PRKDC: variants seen among roughly 807,000 people sequenced by gnomAD.
The protein encoded by PRKDC is DNA-dependent protein kinase catalytic subunit.
In PRKDC, 82 loss-of-function variants were observed where a neutral mutation model predicts 486.9. The ratio of observed to expected loss-of-function variants is 0.17; its 90% CI spans 0.14 to 0.20. PRKDC has a LOEUF of 0.20. PRKDC is among the 10% of genes least tolerant of loss of function. The pLI is 1.00. For synonymous variants in PRKDC, 1,895 were observed against 1,837.0 expected (o/e 1.03, Z -0.81); for missense variants, 4,504 against 5,038.2 (o/e 0.89, Z 3.21).
chr8:47,807,133 C>G lies in PRKDC; in HGVS notation c.9747+4G>C. ...CAGCAGGGAGGACAGACACGAGTAC[C>G]CACCTGCTTCCGGGCACTGTCTATC... On this transcript the variant is annotated splice_donor_region_variant and intron_variant, in intron 69 of 85. Transcript: ENST00000314191. The G allele has an allele frequency of 1.2e-6, 2 of 1,612,684 alleles. No homozygotes were observed. The highest frequency in any genetic ancestry group is 1.7e-6 in the Non-Finnish European group (2 of 1,179,144).
intron 22 of PRKDC, among the ~76,000 whole-genome samples, chr8:47,916,072 T>C (rs565047228): frequency 6.6e-6 from 1 of 152,190 alleles, no homozygotes; most frequent in Admixed American, 6.5e-5. Flanking sequence ...GTTCACTGGA[T>C]TGTGCAGATA....
rs989625761 is a variant in PRKDC, at chr8:47,960,050, C to G, written c.77G>C (p.Gly26Ala). 1.3e-6 allele frequency: 2 copies of G among 1,532,544 alleles called. No homozygotes were observed. Among genetic ancestry groups the G allele is most frequent in the Admixed American group, 3.9e-5 (2 of 50,956 alleles). 94.9% of individuals were successfully genotyped at this position (1,532,544 alleles called of 1,614,324 possible). Reference sequence around the variant, plus strand: ...CAGTTGATGACCGGCCAGGGCAGCACCGCAGCGGTCCGCAGCGGACAAGGT... The same window carrying G: ...CAGTTGATGACCGGCCAGGGCAGCAGCGCAGCGGTCCGCAGCGGACAAGGT... The part of the protein sequence containing the change: ...QETLSAADRC[G>A]AALAGHQLIR... The change falls in exon 1 of 86, where the codon GGT (glycine) becomes GCT (alanine). Residue 26 changes from glycine to alanine, a missense_variant. Gly to Ala is a moderately conservative substitution (Grantham distance 60, BLOSUM62 0). Around this residue, in one of 6 missense-constraint regions of PRKDC, gnomAD observed 145 missense variants for 136.3 expected, o/e 1.06. Transcript: ENST00000314191.
chr8:47,783,183 A>G (rs2086725764), intron 78 of PRKDC, among the ~76,000 whole-genome samples: 1 of 150,576 alleles, frequency 6.6e-6, no homozygotes, highest in African/African-American at 2.4e-5. Context: ...AGGCTGAGAC[A>G]TGGAGAATCG....
In PRKDC at chr8:47,900,392, A is replaced by G; in HGVS notation, c.3345T>C (p.His1115=). The change falls in exon 28 of 86, where the codon CAT becomes CAC. Residue 1115 remains histidine, a synonymous_variant. Coordinates refer to ENST00000314191, the MANE Select transcript of PRKDC (RefSeq NM_006904.7). ...ACGTACCTAAGGACTTCTCATCTGC[A>G]TGTGCTAAGGCCAGACTCTCCATGT... is the stretch of plus-strand genomic sequence containing the variant. ...VIYMESLALA[H]ADEKSLGTIQ... The G allele has an allele frequency of 6.2e-7, 1 of 1,610,026 alleles. No homozygotes were observed. The highest frequency in any genetic ancestry group is 2.2e-5 in the East Asian group (1 of 44,828).
chr8:47,916,618 T>C (rs1231605454), intron 22 of PRKDC, among the ~76,000 whole-genome samples: 2 of 152,188 alleles, frequency 1.3e-5, no homozygotes, highest in Admixed American at 6.5e-5. Flanking sequence ...TATATCCACC[T>C]ATGAATAACC....
chr8:47,811,869 C>T (rs1008440008), intron 68 of PRKDC, among the ~76,000 whole-genome samples: 3 of 152,088 alleles, frequency 2.0e-5, no homozygotes, highest in Non-Finnish European at 2.9e-5. Context: ...CCCGGCTACT[C>T]GGGAGGCTGA....
In PRKDC at chr8:47,881,495, G is replaced by A; in HGVS notation, c.4988C>T (p.Thr1663Ile). ...LQIDSSVSFNTSHGSFPEVFT... is the reference protein window; with the variant it reads ...LQIDSSVSFNISHGSFPEVFT... The stretch of plus-strand genomic sequence containing the variant: ...GACTTCAGGGAATGAACCATGACTT[G>A]TATTAAAAGATACAGATGAATCAAT... The change falls in exon 38 of 86, where the codon ACA (threonine) becomes ATA (isoleucine). Residue 1663 changes from threonine (T) to isoleucine (I), a missense_variant. Thr to Ile is a moderately conservative substitution (Grantham distance 89). This residue lies in a region of PRKDC where 1,969 missense variants were observed against 2,068.9 expected (regional missense o/e 0.95). Coordinates refer to ENST00000314191, the MANE Select transcript of PRKDC (RefSeq NM_006904.7). 1 of 1,552,374 alleles carries A rather than the reference G, an allele frequency of 6.4e-7. No individual in the cohort carries two copies. Among genetic ancestry groups the A allele is most frequent in the Admixed American group, 1.8e-5 (1 of 55,858 alleles).
At position 47,782,279 on chromosome 8, in the gene PRKDC, C is replaced by G. The variant is rs1251988092; in HGVS notation, c.11397-25G>C. 1 of 1,611,910 alleles carries G rather than the reference C, an allele frequency of 6.2e-7. No homozygotes were observed. The highest frequency in any genetic ancestry group is 2.2e-5 in the East Asian group (1 of 44,882). ...CCTGAAAGGGAGAATAAAAGGTTAA[C>G]GAGTAAACCCAAACTGCTCTTTCTT... is the stretch of plus-strand genomic sequence containing the variant. On this transcript the variant is annotated intron_variant, in intron 79 of 85. Coordinates refer to ENST00000314191, the MANE Select transcript of PRKDC (RefSeq NM_006904.7). This position sits in a 1 kb window ranked among gnomAD's most constrained non-coding sequence, Gnocchi z 4.9.
In PRKDC at chr8:47,776,259, T is replaced by C. The variant is rs569817805; in HGVS notation, c.12182+585A>G. Among the ~76,000 whole-genome samples, 11 of 152,356 alleles carry C rather than the reference T, an allele frequency of 7.2e-5. No homozygotes were observed. The South Asian group carries it at 2.3e-3, about 32-fold the overall frequency. On this transcript the variant is annotated intron_variant, in intron 85 of 85. Transcript: ENST00000314191. ...CAGCGCTATTTGTTGGAAAGGTCAC[T>C]GAATGGTCTTGGCACCCTTGTCAAA...
At chr8:47,882,678 C>G (rs1051696698) in intron 36 of PRKDC, among the ~76,000 whole-genome samples, 5 of 152,204 alleles carry the variant, frequency 3.3e-5, no homozygotes, top group Non-Finnish European at 7.3e-5. Context: ...CCCACATTTT[C>G]TGTCTCACCA....
At chr8:47,825,633 C>A (rs1245230228) in intron 63 of PRKDC, among the ~76,000 whole-genome samples, 1 of 151,626 alleles carries the variant, frequency 6.6e-6, no homozygotes, top group Non-Finnish European at 1.5e-5. Context: ...AAAGTTTAGG[C>A]CCTTAAAAGT....
chr8:47,904,851 G>C lies in PRKDC; in HGVS notation c.3042+18C>G. On this transcript the variant is annotated intron_variant, in intron 26 of 85. Transcript: ENST00000314191. ...CTAATCGATGGGAGTAAGAGGAAAA[G>C]AATCAACTATTACTTACCAATATAG... The C allele has an allele frequency of 6.7e-7, 1 of 1,485,714 alleles. No individual in the cohort carries two copies. The highest frequency in any genetic ancestry group is 9.3e-7 in the Non-Finnish European group (1 of 1,070,268). 92.0% of individuals were successfully genotyped at this position (1,485,714 alleles called of 1,614,324 possible).
rs768410673 is a variant in PRKDC, at chr8:47,900,395, T to C, written c.3342A>G (p.Ala1114=). The C allele has an allele frequency of 6.2e-7, 1 of 1,610,424 alleles. No homozygotes were observed. The highest frequency in any genetic ancestry group is 8.5e-7 in the Non-Finnish European group (1 of 1,178,602). ...TACCTAAGGACTTCTCATCTGCATG[T>C]GCTAAGGCCAGACTCTCCATGTATA... ...LVIYMESLAL[A]HADEKSLGTI... The change falls in exon 28 of 86, where the codon GCA becomes GCG. Residue 1114 remains alanine (A), a synonymous_variant. Coordinates refer to ENST00000314191, the MANE Select transcript of PRKDC (RefSeq NM_006904.7).
intron 67 of PRKDC, among the ~76,000 whole-genome samples, chr8:47,818,578 C>CAAAAAAA (rs1174698261): frequency 1.1e-4 from 4 of 36,124 alleles, no homozygotes; most frequent in African/African-American, 1.6e-4. Context: ...GACTCCGTCT[C>CAAAAAAA]AAAAAAAAAA....
At chr8:47,888,722 A>T in intron 33 of PRKDC, 72 bp from the exon 34 acceptor site, 2 of 1,464,936 alleles carry the variant, frequency 1.4e-6, no homozygotes, top group South Asian at 3.0e-5. Flanking sequence ...ACTGAAAAAA[A>T]TGTTTGCACT....
rs1227968476 is a variant in PRKDC, at chr8:47,918,394, T to C, written c.2420-11A>G. On this transcript the variant is annotated splice_polypyrimidine_tract_variant and intron_variant, in intron 21 of 85. Transcript: ENST00000314191. Reference sequence around the variant, plus strand: ...TATTCTTGGTCTCATCTATCAATAGTAAACGAAAATAAATTTAAAATAGCA... The same window carrying C: ...TATTCTTGGTCTCATCTATCAATAGCAAACGAAAATAAATTTAAAATAGCA... The C allele has an allele frequency of 2.0e-6, 3 of 1,473,662 alleles. No individual in the cohort carries two copies. Among genetic ancestry groups the C allele is most frequent in the African/African-American group, 1.4e-5 (1 of 71,582 alleles). 91.3% of individuals were successfully genotyped at this position (1,473,662 alleles called of 1,614,324 possible). A position where few individuals can be genotyped will look rare whatever the true frequency, so the allele number is the denominator to read the frequency against.
rs1589750121 is a variant in PRKDC, at chr8:47,862,068, T to C, written c.5979A>G (p.Glu1993=). The change falls in exon 44 of 86, where the codon GAA becomes GAG. Residue 1993 remains glutamate (E), a synonymous_variant. Transcript: ENST00000314191. ...DLKRRYNFPV[E]VEVPMERKKK... is the part of the protein sequence containing the mutation. ...CATTGAAAATTTCACTCACCTCAACTTCTACAGGAAAATTATAGCGGCGCT... is the reference window on the plus strand; with the variant it reads ...CATTGAAAATTTCACTCACCTCAACCTCTACAGGAAAATTATAGCGGCGCT... 1 of 1,551,090 alleles carries C rather than the reference T, an allele frequency of 6.4e-7. No individual in the cohort carries two copies. The highest frequency in any genetic ancestry group is 8.7e-7 in the Non-Finnish European group (1 of 1,145,822).
At chr8:47,839,385 G>C (rs2088094476) in intron 55 of PRKDC, 139 bp from the exon 56 acceptor site, 7 of 666,234 alleles carry the variant, frequency 1.1e-5, no homozygotes, top group Non-Finnish European at 1.8e-5. Context: ...ATCACAGCTT[G>C]CCCCACTCAT....
chr8:47,897,388 C>G, intron 29 of PRKDC, 94 bp from the exon 30 acceptor site: 1 of 1,237,186 alleles, frequency 8.1e-7, no homozygotes, highest in Non-Finnish European at 1.1e-6. Context: ...CTTTATCACA[C>G]AGATATATGT....
Sources: gnomAD v4.1 joint callset for allele counts (sites outside exome capture counted in the v4.1 genomes callset) on GRCh38, gnomAD v4.1.1 for gene constraint, gnomAD v4.1.1 regional missense constraint, Gnocchi (gnomAD v3.1) non-coding constraint, MANE v1.5 for transcripts, NCBI Gene and HGNC (gene_info 2026-07-23, HGNC 2026-07-21) for gene names.